Variants in PDSS2 observed in about 807,000 individuals in gnomAD.
The protein encoded by PDSS2 is decaprenyl diphosphate synthase subunit 2.
PDSS2 carries 31 observed loss-of-function variants against 44.5 expected under a neutral mutation model. The ratio of observed to expected loss-of-function variants is 0.70; its 90% CI spans 0.52 to 0.94. The LOEUF is 0.94. Among genes scored for constraint, PDSS2 ranks in the 40% least tolerant of loss-of-function variants. The pLI, the probability that PDSS2 is intolerant of heterozygous loss-of-function variation, is 0.00. For synonymous variants in PDSS2, 157 were observed against 180.3 expected (o/e 0.87, Z 1.03); for missense variants, 452 against 482.2 (o/e 0.94, Z 0.59).
chr6:107,454,043 ACTT>A (rs1358820799), intron 1 of PDSS2, among the ~76,000 whole-genome samples: 4 of 142,680 alleles, frequency 2.8e-5, no homozygotes, highest in Non-Finnish European at 6.0e-5. Context: ...CATGTTTCAG[ACTT>A]CTTTTTTTTT....
At chr6:107,266,929 T>C (rs1301979352) in intron 3 of PDSS2, among the ~76,000 whole-genome samples, 1 of 152,184 alleles carries the variant, frequency 6.6e-6, no homozygotes, top group African/African-American at 2.4e-5. Flanking sequence ...AAAAAAAGCA[T>C]GTGTGACTGA....
At chr6:107,228,567 C>T (rs971280758) in intron 4 of PDSS2, among the ~76,000 whole-genome samples, 7 of 151,916 alleles carry the variant, frequency 4.6e-5, no homozygotes, top group African/African-American at 7.3e-5. Flanking sequence ...TGGTGGCAAG[C>T]GCCTATAATC....
intron 2 of PDSS2, among the ~76,000 whole-genome samples, chr6:107,329,537 C>G (rs1205504285): frequency 1.3e-5 from 2 of 152,076 alleles, no homozygotes; most frequent in African/African-American, 4.8e-5. Context: ...CCAAATTTCC[C>G]CTTTTTATAA....
At chr6:107,199,326 C>G (rs1772688525) in intron 6 of PDSS2, among the ~76,000 whole-genome samples, 2 of 152,316 alleles carry the variant, frequency 1.3e-5, no homozygotes, top group Non-Finnish European at 1.5e-5. Flanking sequence ...TAAACAGGGT[C>G]TTACTCTGTC....
chr6:107,288,918 C>T (rs1464784805), intron 2 of PDSS2, among the ~76,000 whole-genome samples: 1 of 150,940 alleles, frequency 6.6e-6, no homozygotes, highest in Non-Finnish European at 1.5e-5. Flanking sequence ...GCCACCAAGC[C>T]CAGCTAATTT....
chr6:107,306,446 G>A (rs140317225), intron 2 of PDSS2, among the ~76,000 whole-genome samples: 6,241 of 152,264 alleles, frequency 0.041, 232 homozygotes, highest in African/African-American at 0.098. Flanking sequence ...CCCCAGCCAC[G>A]TGGAACTGTA....
At chr6:107,257,654 C>T (rs1266713922) in intron 3 of PDSS2, among the ~76,000 whole-genome samples, 1 of 152,004 alleles carries the variant, frequency 6.6e-6, no homozygotes, top group Non-Finnish European at 1.5e-5. Flanking sequence ...GACAGGATCT[C>T]TATCACACAG....
intron 4 of PDSS2, among the ~76,000 whole-genome samples, chr6:107,228,154 T>C (rs1285957978): frequency 1.3e-5 from 2 of 152,200 alleles, no homozygotes; most frequent in Non-Finnish European, 2.9e-5. Flanking sequence ...GGTATACAAA[T>C]TCAATTTAGA....
intron 1 of PDSS2, among the ~76,000 whole-genome samples, chr6:107,426,669 C>T (rs1219550593): frequency 2.0e-5 from 3 of 152,138 alleles, no homozygotes; most frequent in Non-Finnish European, 4.4e-5. Context: ...GCAGAGCTGC[C>T]CAAGACCATG....
rs79896531 is a variant in PDSS2, at chr6:107,290,324, T to C, written c.432-16097A>G. ...TGCAGTATTGCTGTGTGACTAAATA[T>C]GGAGGATAAATGAAAGATACTTTTT... is the stretch of plus-strand genomic sequence containing the variant. On this transcript the variant is annotated intron_variant, in intron 2 of 7. Transcript: ENST00000369037. Among the ~76,000 whole-genome samples the C allele has an allele frequency of 0.013, 1,996 of 152,252 alleles. 117 individuals are homozygous for C. In the East Asian group the frequency reaches 0.19, roughly 15 times the overall value.
At chr6:107,421,094 C>A (rs942875618) in intron 1 of PDSS2, among the ~76,000 whole-genome samples, 1 of 152,128 alleles carries the variant, frequency 6.6e-6, no homozygotes, top group Non-Finnish European at 1.5e-5. Flanking sequence ...CATGAAAAAA[C>A]GTTCGACATC....
chr6:107,442,650 C>G (rs1216670150), intron 1 of PDSS2, among the ~76,000 whole-genome samples: 1 of 152,090 alleles, frequency 6.6e-6, no homozygotes, highest in Non-Finnish European at 1.5e-5. Context: ...AAATACTTCA[C>G]GTTCAACAGG....
chr6:107,314,613 TA>T (rs1391904218), intron 2 of PDSS2, among the ~76,000 whole-genome samples: 1 of 152,220 alleles, frequency 6.6e-6, no homozygotes, highest in Non-Finnish European at 1.5e-5. Flanking sequence ...TATGGTTTAT[TA>T]CACAGTGCTC....
At chr6:107,353,533 A>G (rs893606117) in intron 1 of PDSS2, among the ~76,000 whole-genome samples, 1 of 152,122 alleles carries the variant, frequency 6.6e-6, no homozygotes, top group African/African-American at 2.4e-5. Context: ...GAACTACATT[A>G]CAACTGCCTT....
At chr6:107,399,234 T>C (rs141493219) in intron 1 of PDSS2, among the ~76,000 whole-genome samples, 1 of 152,292 alleles carries the variant, frequency 6.6e-6, no homozygotes, top group East Asian at 1.9e-4. Flanking sequence ...TACAGGCCCT[T>C]AGCCTCTAAC....
intron 1 of PDSS2, among the ~76,000 whole-genome samples, chr6:107,361,581 C>T (rs575665988): frequency 1.3e-5 from 2 of 152,194 alleles, no homozygotes; most frequent in Non-Finnish European, 2.9e-5. Context: ...TACGCCCCTA[C>T]CACCCCTGCC....
At chr6:107,182,398 C>G (rs1278916875) in intron 7 of PDSS2, among the ~76,000 whole-genome samples, 1 of 152,176 alleles carries the variant, frequency 6.6e-6, no homozygotes, top group Non-Finnish European at 1.5e-5. Flanking sequence ...AATCTCAGCT[C>G]ACTGCAACCT....
intron 3 of PDSS2, among the ~76,000 whole-genome samples, chr6:107,255,667 T>G (rs555641266): frequency 6.6e-6 from 1 of 151,750 alleles, no homozygotes; most frequent in East Asian, 1.9e-4. Context: ...CACTCCCCAA[T>G]GAAAAGGATG....
rs1779646386 is a variant in PDSS2, at chr6:107,387,469, G to A, written c.297-53137C>T. ...CCATTATTTTTGTAGGAATAAGGGA[G>A]AGAAATTACAGAGACAGAAGGAAAG... On this transcript the variant is annotated intron_variant, in intron 1 of 7. Transcript: ENST00000369037. Among the ~76,000 whole-genome samples, 4 of 152,314 alleles carry A rather than the reference G, an allele frequency of 2.6e-5. No homozygotes were observed. The South Asian group carries it at 8.3e-4, about 32-fold the overall frequency.
Sources: allele counts gnomAD v4.1 joint callset (sites outside exome capture counted in the v4.1 genomes callset), GRCh38; gene constraint gnomAD v4.1.1; transcripts MANE v1.5; gene names NCBI Gene and HGNC (gene_info 2026-07-23, HGNC 2026-07-21).